The following PIK3R5 variants were observed in gnomAD, a reference collection of about 807,000 sequenced individuals.
The protein encoded by PIK3R5 is phosphoinositide 3-kinase regulatory subunit 5.
In PIK3R5, 32 loss-of-function variants were observed where a neutral mutation model predicts 94.9. That is an observed-to-expected ratio of 0.34 (90% confidence interval 0.25 to 0.45). The LOEUF is 0.45. Ranked by LOEUF, PIK3R5 falls within the 20% of genes least tolerant of loss-of-function variation. The pLI, the probability that PIK3R5 is intolerant of heterozygous loss-of-function variation, is 1.00. For synonymous variants in PIK3R5, 443 were observed against 479.4 expected, an observed-to-expected ratio of 0.92 and a Z score of 0.99; for missense variants, 853 against 1,144.6, an observed-to-expected ratio of 0.75 and a Z score of 3.68.
Position 8,889,937 on chromosome 17 carries a change from G to GA in PIK3R5, c.811+35dup, listed in dbSNP as rs1274630343. On this transcript the variant is annotated intron_variant, in intron 8 of 18. Coordinates refer to ENST00000447110, the MANE Select transcript of PIK3R5 (RefSeq NM_001142633.3). The surrounding 1 kb of genome is among the most constrained non-coding windows in gnomAD (Gnocchi z 4.1). ...CTTGGGACCTAGAATAGGCCATGGG[G>GA]AATGTGGGAGAACCCCATTCTCCCA... 1 of 1,610,416 alleles carries GA rather than the reference G, an allele frequency of 6.2e-7. No individual in the cohort carries two copies. The highest frequency in any genetic ancestry group is 2.2e-5 in the East Asian group (1 of 44,846).
intron 1 of PIK3R5, among the ~76,000 whole-genome samples, chr17:8,962,203 T>C (rs961559862): frequency 6.6e-6 from 1 of 152,002 alleles, no homozygotes; most frequent in East Asian, 1.9e-4. Context: ...TACCTCAGAG[T>C]GTGACTGTGA....
intron 14 of PIK3R5, chr17:8,885,021 AG>A: frequency 1.9e-6 from 1 of 518,546 alleles, no homozygotes. Context: ...ACACATTCCC[AG>A]GGTCCTGCCT....
chr17:8,905,619 C>A, intron 4 of PIK3R5, 50 bp downstream of exon 4: 1 of 1,419,820 alleles, frequency 7.0e-7, no homozygotes, highest in South Asian at 1.3e-5. Flanking sequence ...ATAGAGGTCG[C>A]TCCTCCCCCT....
At chr17:8,894,889 G>A (rs1033266540) in intron 5 of PIK3R5, among the ~76,000 whole-genome samples, 3 of 152,118 alleles carry the variant, frequency 2.0e-5, no homozygotes, top group African/African-American at 7.2e-5. Context: ...GGGTAGGGCG[G>A]GGGTTGGGGT....
At chr17:8,920,524 C>T (rs2090720334) in intron 1 of PIK3R5, among the ~76,000 whole-genome samples, 1 of 152,178 alleles carries the variant, frequency 6.6e-6, no homozygotes, top group Admixed American at 6.5e-5. Flanking sequence ...AGATGAGGAT[C>T]GCACTCTCCT....
intron 1 of PIK3R5, among the ~76,000 whole-genome samples, chr17:8,962,124 G>A (rs778368135): frequency 5.3e-5 from 8 of 152,184 alleles, no homozygotes; most frequent in Non-Finnish European, 1.2e-4. Context: ...GCCCAGCTCT[G>A]GCACCACCTA....
At chr17:8,895,170 TCCAA>T (rs1776818793) in intron 5 of PIK3R5, among the ~76,000 whole-genome samples, 1 of 152,182 alleles carries the variant, frequency 6.6e-6, no homozygotes, top group African/African-American at 2.4e-5. Flanking sequence ...TCACCCGCTC[TCCAA>T]CCACCTCTAC....
chr17:8,939,850 C>T (rs1028600820), intron 1 of PIK3R5, among the ~76,000 whole-genome samples: 5 of 152,144 alleles, frequency 3.3e-5, no homozygotes, highest in Non-Finnish European at 7.3e-5. Context: ...ATTCTGGAGT[C>T]CTGGTGTGAG....
At chr17:8,891,230 T>C (rs1172518916) in intron 6 of PIK3R5, among the ~76,000 whole-genome samples, 30 of 152,266 alleles carry the variant, frequency 2.0e-4, no homozygotes, top group Non-Finnish European at 2.9e-5. Flanking sequence ...ATGAGACAGC[T>C]GAGTGGATGC....
At position 8,935,793 on chromosome 17, in the gene PIK3R5, G is replaced by A. The variant is rs942674962; in HGVS notation, c.-13-24286C>T. On this transcript the variant is annotated intron_variant, in intron 1 of 18. Coordinates refer to ENST00000447110, the MANE Select transcript of PIK3R5 (RefSeq NM_001142633.3). This position sits in a 1 kb window ranked among gnomAD's most constrained non-coding sequence, Gnocchi z 4.5. ...GACAAGGCCACGCATGGTGGCTCACGCTTGTAATCCCAGCACTTTGGGAGG... is the reference window on the plus strand; with the variant it reads ...GACAAGGCCACGCATGGTGGCTCACACTTGTAATCCCAGCACTTTGGGAGG... Among the ~76,000 whole-genome samples, 1 of 152,046 alleles carries A rather than the reference G, an allele frequency of 6.6e-6. No homozygotes were observed. The highest frequency in any genetic ancestry group is 1.5e-5 in the Non-Finnish European group (1 of 68,004).
At chr17:8,957,938 T>C (rs1306902144) in intron 1 of PIK3R5, among the ~76,000 whole-genome samples, 1 of 152,100 alleles carries the variant, frequency 6.6e-6, no homozygotes, top group African/African-American at 2.4e-5. Flanking sequence ...TCCAAAATCA[T>C]TTGCAAAGTC....
chr17:8,944,400 G>A (rs1188044588), intron 1 of PIK3R5, among the ~76,000 whole-genome samples: 1 of 152,194 alleles, frequency 6.6e-6, no homozygotes, highest in Non-Finnish European at 1.5e-5. Context: ...GCATGCATGT[G>A]TCTTCATGCA....
At chr17:8,902,005 C>T (rs1334500902) in intron 5 of PIK3R5, among the ~76,000 whole-genome samples, 1 of 152,068 alleles carries the variant, frequency 6.6e-6, no homozygotes, top group Non-Finnish European at 1.5e-5. Context: ...TTAGCAAACA[C>T]AGCCCCCCAT....
chr17:8,950,016 G>C lies in PIK3R5; in HGVS notation c.-14+15580C>G, dbSNP rs554797002. On this transcript the variant is annotated intron_variant, in intron 1 of 18. Transcript: ENST00000447110. Reference sequence around the variant, plus strand: ...TTAAAAGACAGTTTGTGAATGCTAAGGGAAAGATCCAGGAACCACCAGCAG... The same window carrying C: ...TTAAAAGACAGTTTGTGAATGCTAACGGAAAGATCCAGGAACCACCAGCAG... Among the ~76,000 whole-genome samples the C allele has an allele frequency of 2.0e-5, 3 of 152,328 alleles. No individual in the cohort carries two copies. The East Asian group carries it at 5.8e-4, about 29-fold the overall frequency.
Position 8,881,469 on chromosome 17 carries a change from A to C in PIK3R5, c.2382+161T>G, listed in dbSNP as rs2089656199. Among the ~76,000 whole-genome samples, 17 of 144,594 alleles carry C rather than the reference A, an allele frequency of 1.2e-4. No homozygotes were observed. Among genetic ancestry groups the C allele is most frequent in the African/African-American group, 2.1e-4 (8 of 38,672 alleles). 94.9% of individuals were successfully genotyped at this position (144,594 alleles called of 152,430 possible). A position where few individuals can be genotyped will look rare whatever the true frequency, so the allele number is the denominator to read the frequency against. On this transcript the variant is annotated intron_variant, in intron 17 of 18. Transcript: ENST00000447110. The surrounding 1 kb of genome is among the most constrained non-coding windows in gnomAD (Gnocchi z 4.8). The stretch of plus-strand genomic sequence containing the variant: ...CCCCTCACCCTGCCTCTCCTCCCCC[A>C]CCTCTCCTCTCTCTCTCACACACAC...
rs3138608 is a variant in PIK3R5, at chr17:8,908,530, AACACACAC to A, written c.204+536_204+543del. 2.4e-3 allele frequency among the ~76,000 whole-genome samples: 333 copies of A among 136,680 alleles called. 3 individuals carry two copies. Among genetic ancestry groups the A allele is most frequent in the South Asian group, 0.012 (48 of 3,866 alleles). 89.7% of individuals were successfully genotyped at this position (136,680 alleles called of 152,430 possible). On this transcript the variant is annotated intron_variant, in intron 3 of 18. Coordinates refer to ENST00000447110, the MANE Select transcript of PIK3R5 (RefSeq NM_001142633.3). ...AATCACATGTATTTAAAATAATTAA[AACACACAC>A]ACACACACACACACACACACACACA...
intron 1 of PIK3R5, among the ~76,000 whole-genome samples, chr17:8,913,302 G>A (rs1046646393): frequency 1.3e-5 from 2 of 152,218 alleles, no homozygotes; most frequent in African/African-American, 2.4e-5. Context: ...AGCTTGCTGA[G>A]AACCTGGACC....
Position 8,882,508 on chromosome 17 carries a change from G to A in PIK3R5, c.2206-627C>T. 6.5e-6 allele frequency: 1 copy of A among 153,920 alleles called. No homozygotes were observed. The highest frequency in any genetic ancestry group is 1.4e-5 in the Non-Finnish European group (1 of 69,254). 9.5% of individuals were successfully genotyped at this position (153,920 alleles called of 1,614,324 possible). A position where few individuals can be genotyped will look rare whatever the true frequency, so the allele number is the denominator to read the frequency against. On this transcript the variant is annotated intron_variant, in intron 15 of 18. Coordinates refer to ENST00000447110, the MANE Select transcript of PIK3R5 (RefSeq NM_001142633.3). This position sits in a 1 kb window ranked among gnomAD's most constrained non-coding sequence, Gnocchi z 4.1. ...TGGTCCTCTGCTCTTTGTATTCCCT[G>A]CTTCCCCCCTTCAGGAGTCTCCTCC...
At chr17:8,908,530 AAC>A (rs3138608) in intron 3 of PIK3R5, among the ~76,000 whole-genome samples, 11,502 of 136,518 alleles carry the variant, frequency 0.084, 484 homozygotes, top group Admixed American at 0.13. Flanking sequence ...AAATAATTAA[AAC>A]ACACACACAC....
Sources: gnomAD v4.1 joint callset for allele counts (sites outside exome capture counted in the v4.1 genomes callset) on GRCh38, gnomAD v4.1.1 for gene constraint, Gnocchi (gnomAD v3.1) non-coding constraint, MANE v1.5 for transcripts, NCBI Gene and HGNC (gene_info 2026-07-23, HGNC 2026-07-21) for gene names.